HOXB3: variants seen among roughly 807,000 people sequenced by gnomAD.
HOXB3 encodes the protein homeobox protein Hox-B3.
HOXB3 carries 17 observed loss-of-function variants against 29.2 expected under a neutral mutation model. The ratio of observed to expected loss-of-function variants is 0.58; its 90% CI spans 0.40 to 0.87. HOXB3 has a LOEUF of 0.87. HOXB3 is among the 40% of genes least tolerant of loss of function. HOXB3 has a pLI of 0.00. For missense variants in HOXB3, 637 were observed against 616.3 expected (o/e 1.03, Z -0.35); for synonymous variants, 317 against 285.9 (o/e 1.11, Z -1.10).
At chr17:48,578,632 A>C (rs2069852470) in intron 1 of HOXB3, 5 of 320,946 alleles carry the variant, frequency 1.6e-5, no homozygotes, top group Non-Finnish European at 2.8e-5. Flanking sequence ...GGGATCAGAG[A>C]GAGAGCGAGA....
intron 2 of HOXB3, among the ~76,000 whole-genome samples, chr17:48,559,147 C>T (rs1214343111): frequency 6.6e-6 from 1 of 152,096 alleles, no homozygotes; most frequent in Non-Finnish European, 1.5e-5. Context: ...CTCTCCCCCA[C>T]CCCACTGGGT....
Position 48,552,107 on chromosome 17 carries a change from G to A in HOXB3, c.368C>T (p.Ser123Phe). The A allele has an allele frequency of 1.2e-6, 2 of 1,613,588 alleles. No individual in the cohort carries two copies. The highest frequency in any genetic ancestry group is 1.7e-6 in the Non-Finnish European group (2 of 1,179,690). Residue 123 changes from serine (S) to phenylalanine (F), a missense_variant, in exon 4 of 5, where the codon TCC becomes TTC. Physicochemically the swap from Ser to Phe is radical, Grantham distance 155. Coordinates refer to ENST00000498678, the MANE Select transcript of HOXB3 (RefSeq NM_001384749.1). Reference sequence around the variant, plus strand: ...GGGGAATATCTGTTTGGTGAGGGTGGAGTTGGTGCCGGGACCGCACTTTGG... The same window carrying A: ...GGGGAATATCTGTTTGGTGAGGGTGAAGTTGGTGCCGGGACCGCACTTTGG... ...GPPKCGPGTNSTLTKQIFPWM... is the reference protein window; with the variant it reads ...GPPKCGPGTNFTLTKQIFPWM...
At chr17:48,567,684 C>T (rs1240241087) in intron 2 of HOXB3, among the ~76,000 whole-genome samples, 2 of 152,184 alleles carry the variant, frequency 1.3e-5, no homozygotes, top group African/African-American at 4.8e-5. Flanking sequence ...AGAACACACC[C>T]AACATCCTCC....
At position 48,550,685 on chromosome 17, in the gene HOXB3, G is replaced by A. The variant is rs759524463; in HGVS notation, c.945C>T (p.Cys315=). Residue 315 remains cysteine, a synonymous_variant, in exon 5 of 5, where the codon TGC becomes TGT. Transcript: ENST00000498678. ...TCGGAGGGTACTTCTGCGGGGCGCC[G>A]CAGCCTTTGAGAGGGGGCTGGTAGT... ...PSNYQPPLKG[C]GAPQKYPPTP... 6 of 1,533,952 alleles carry A rather than the reference G, an allele frequency of 3.9e-6. No individual in the cohort carries two copies. Among genetic ancestry groups the A allele is most frequent in the Middle Eastern group, 1.8e-4 (1 of 5,680 alleles).
At chr17:48,578,153 C>T (rs762349263) in intron 1 of HOXB3, 1 of 1,592,564 alleles carries the variant, frequency 6.3e-7, no homozygotes, top group Admixed American at 1.7e-5. Context: ...CGCCGCGCGC[C>T]GCCCGAAGCC....
chr17:48,551,053 T>TCCG lies in HOXB3; in HGVS notation c.574_576dup (p.Arg192dup). 1 of 1,590,730 alleles carries TCCG rather than the reference T, an allele frequency of 6.3e-7. No homozygotes were observed. The highest frequency in any genetic ancestry group is 8.6e-7 in the Non-Finnish European group (1 of 1,166,116). On this transcript the variant is annotated inframe_insertion, in exon 5 of 5. Transcript: ENST00000498678. Reference sequence around the variant, plus strand: ...ACCAGCTGCGCGCTCGTGTACGCCGTCCGCGCCCGCTTGGACGCCGCCGAC... The same window carrying TCCG: ...ACCAGCTGCGCGCTCGTGTACGCCGTCCGCCGCGCCCGCTTGGACGCCGCCGAC...
rs1412579389 is a variant in HOXB3, at chr17:48,590,116, G to A, written c.-425+9C>T. ...CAAGGGGTAAAAGCGAAAGCTGAAA[G>A]CGACTTACTGCGGGAATGCTGGCCT... On this transcript the variant is annotated intron_variant, in intron 1 of 4. Transcript: ENST00000498678. 1.3e-5 allele frequency: 2 copies of A among 152,272 alleles called. No homozygotes were observed. Among genetic ancestry groups the A allele is most frequent in the African/African-American group, 4.8e-5 (2 of 41,462 alleles). The allele number at this position is 152,272 out of a possible 1,614,324, so 9.4% of individuals were successfully genotyped here.
At chr17:48,577,311 TG>T (rs1297029953) in intron 1 of HOXB3, among the ~76,000 whole-genome samples, 1 of 152,056 alleles carries the variant, frequency 6.6e-6, no homozygotes, top group African/African-American at 2.4e-5. Context: ...CCCCTCAGCT[TG>T]GGGCCCCCAG....
chr17:48,570,546 C>T (rs2069554984), intron 2 of HOXB3, among the ~76,000 whole-genome samples: 1 of 152,150 alleles, frequency 6.6e-6, no homozygotes, highest in African/African-American at 2.4e-5. Flanking sequence ...GGGCCTCCCC[C>T]GGCTTGTTCG....
chr17:48,578,470 T>G, intron 1 of HOXB3: 1 of 984,352 alleles, frequency 1.0e-6, no homozygotes, highest in Non-Finnish European at 1.4e-6. Flanking sequence ...CCGCCTGCGA[T>G]TCCCGGATAA....
Position 48,550,639 on chromosome 17 carries a change from G to T in HOXB3, c.991C>A (p.Pro331Thr), listed in dbSNP as rs900088096. The change falls in exon 5 of 5, where the codon CCG becomes ACG. Residue 331 changes from proline to threonine, a missense_variant. Physicochemically the swap from Pro to Thr is conservative, Grantham distance 38. Coordinates refer to ENST00000498678, the MANE Select transcript of HOXB3 (RefSeq NM_001384749.1). ...YPPTPAPEYE[P>T]HVLQANGGAY... ...CCCCCGTTGGCTTGGAGGACGTGCG[G>T]CTCATACTCGGGCGCCGGGGTCGGA... The T allele has an allele frequency of 6.8e-5, 104 of 1,525,020 alleles. No individual in the cohort carries two copies. Among genetic ancestry groups the T allele is most frequent in the Non-Finnish European group, 8.7e-5 (99 of 1,139,620 alleles). 94.5% of individuals were successfully genotyped at this position (1,525,020 alleles called of 1,614,324 possible).
chr17:48,571,657 G>C (rs1054423622), intron 2 of HOXB3, among the ~76,000 whole-genome samples: 19 of 152,162 alleles, frequency 1.2e-4, no homozygotes, highest in African/African-American at 4.3e-4. Flanking sequence ...TTTGTCACTT[G>C]AGCCTGTAGA....
Position 48,550,164 on chromosome 17 carries a change from AAAGCAACCTCTCAGGCCAGGGGG to A in HOXB3, c.*147_*169del. ...GATGGAACAAGGGGTGGAAGACTTA[AAAGCAACCTCTCAGGCCAGGGGG>A]AAGGGAAGGAGCTCCAGGCCGGTTC... On this transcript the variant is annotated 3_prime_UTR_variant, in exon 5 of 5. Coordinates refer to ENST00000498678, the MANE Select transcript of HOXB3 (RefSeq NM_001384749.1). 7.2e-6 allele frequency: 6 copies of A among 831,720 alleles called. No individual in the cohort carries two copies. Among genetic ancestry groups the A allele is most frequent in the Non-Finnish European group, 1.1e-5 (6 of 546,212 alleles). The allele number at this position is 831,720 out of a possible 1,614,324, so 51.5% of individuals were successfully genotyped here.
Position 48,549,512 on chromosome 17 carries a change from T to C in HOXB3, c.*822A>G, listed in dbSNP as rs2068635135. 1 of 152,604 alleles carries C rather than the reference T, an allele frequency of 6.6e-6. No individual in the cohort carries two copies. The highest frequency in any genetic ancestry group is 2.4e-5 in the African/African-American group (1 of 41,422). 9.5% of individuals were successfully genotyped at this position (152,604 alleles called of 1,614,324 possible). On this transcript the variant is annotated 3_prime_UTR_variant, in exon 5 of 5. Transcript: ENST00000498678. ...TCAAGAGAGCAACAGAAGAAAAGTA[T>C]AGAACCTCGTGTCACCAACTGCTTT...
At chr17:48,561,462 G>A (rs906880215) in intron 2 of HOXB3, among the ~76,000 whole-genome samples, 7 of 152,252 alleles carry the variant, frequency 4.6e-5, no homozygotes, top group Non-Finnish European at 8.8e-5. Flanking sequence ...CCTAGAGCCA[G>A]ACTGAGTAAG....
chr17:48,561,183 AACACACACACACACAC>A lies in HOXB3; in HGVS notation c.-246-5581_-246-5566del, dbSNP rs530713063. Reference sequence around the variant, plus strand: ...CAACAAGAGCGAAACTCCGTCTCAAAACACACACACACACACACACACACACACACACACACACACA... The same window carrying A: ...CAACAAGAGCGAAACTCCGTCTCAAAACACACACACACACACACACACACA... On this transcript the variant is annotated intron_variant, in intron 2 of 4. Transcript: ENST00000498678. 5.6e-5 allele frequency among the ~76,000 whole-genome samples: 7 copies of A among 125,488 alleles called. No homozygotes were observed. The East Asian group carries it at 1.1e-3, about 19-fold the overall frequency. The allele number at this position is 125,488 out of a possible 152,430, so 82.3% of individuals were successfully genotyped here.
intron 2 of HOXB3, among the ~76,000 whole-genome samples, chr17:48,567,567 G>A (rs979857285): frequency 1.3e-5 from 2 of 152,132 alleles, no homozygotes; most frequent in African/African-American, 4.8e-5. Flanking sequence ...CTAGTAGGAA[G>A]GAACTGTGAC....
At chr17:48,564,627 G>A (rs958869189) in intron 2 of HOXB3, among the ~76,000 whole-genome samples, 6 of 152,252 alleles carry the variant, frequency 3.9e-5, no homozygotes, top group South Asian at 2.1e-4. Flanking sequence ...CCAGGCGAGA[G>A]GAGCGGCAAC....
chr17:48,555,638 A>C lies in HOXB3; in HGVS notation c.-246-20T>G. ...CCCCTCCTTGAAGGCAAAGGAAAAAAAGACCACTGTTTAAAGCTGCGTCGC... is the reference window on the plus strand; with the variant it reads ...CCCCTCCTTGAAGGCAAAGGAAAAACAGACCACTGTTTAAAGCTGCGTCGC... On this transcript the variant is annotated intron_variant, in intron 2 of 4. Coordinates refer to ENST00000498678, the MANE Select transcript of HOXB3 (RefSeq NM_001384749.1). 1 of 702,554 alleles carries C rather than the reference A, an allele frequency of 1.4e-6. No homozygotes were observed. Among genetic ancestry groups the C allele is most frequent in the South Asian group, 1.5e-5 (1 of 67,566 alleles). 43.5% of individuals were successfully genotyped at this position (702,554 alleles called of 1,614,324 possible).
Sources: allele counts gnomAD v4.1 joint callset (sites outside exome capture counted in the v4.1 genomes callset), GRCh38; gene constraint gnomAD v4.1.1; transcripts MANE v1.5; gene names NCBI Gene and HGNC (gene_info 2026-07-23, HGNC 2026-07-21).